The following AP3B1 variants were observed in gnomAD, a reference collection of about 807,000 sequenced individuals.
AP3B1 encodes the protein AP-3 complex subunit beta-1.
Under a neutral mutation model 132.5 loss-of-function variants are expected in AP3B1, and 61 were observed. The ratio of observed to expected loss-of-function variants is 0.46; its 90% CI spans 0.37 to 0.57. AP3B1 has a LOEUF of 0.57. Among genes scored for constraint, AP3B1 ranks in the 20% least tolerant of loss-of-function variants. The pLI, the probability that AP3B1 is intolerant of heterozygous loss-of-function variation, is 0.00. For missense variants in AP3B1, 1,120 were observed against 1,289.4 expected (o/e 0.87, Z 2.01); for synonymous variants, 388 against 438.3 (o/e 0.89, Z 1.43).
chr5:78,025,466 T>C (rs1410912262), intron 24 of AP3B1, among the ~76,000 whole-genome samples: 1 of 152,206 alleles, frequency 6.6e-6, no homozygotes, highest in Non-Finnish European at 1.5e-5. Flanking sequence ...TCGGCCTCTC[T>C]TGTAGCTAAG....
chr5:78,176,522 C>T (rs1303592990), intron 9 of AP3B1, among the ~76,000 whole-genome samples: 8 of 152,032 alleles, frequency 5.3e-5, no homozygotes, highest in Non-Finnish European at 7.4e-5. Flanking sequence ...TTCCTTCCAA[C>T]GCAATTAGTG....
At chr5:78,205,388 A>T (rs916383821) in intron 7 of AP3B1, among the ~76,000 whole-genome samples, 3 of 151,912 alleles carry the variant, frequency 2.0e-5, no homozygotes, top group African/African-American at 7.2e-5. Context: ...TAAATCATTA[A>T]ATCAATAAAT....
Position 78,222,775 on chromosome 5 carries a change from T to C in AP3B1, c.603+2767A>G, listed in dbSNP as rs539361940. Among the ~76,000 whole-genome samples the C allele has an allele frequency of 1.2e-3, 184 of 152,140 alleles. 2 individuals carry two copies. Among genetic ancestry groups the C allele is most frequent in the South Asian group, 0.011 (52 of 4,814 alleles). On this transcript the variant is annotated intron_variant, in intron 6 of 26. Coordinates refer to ENST00000255194, the MANE Select transcript of AP3B1 (RefSeq NM_003664.5). ...AACACAACGAGTTCAAAGATATAAA[T>C]AGTTGAAGCAATTTTGATTTACCAT...
At chr5:78,219,535 C>T (rs1746095378) in intron 6 of AP3B1, among the ~76,000 whole-genome samples, 1 of 151,946 alleles carries the variant, frequency 6.6e-6, no homozygotes, top group African/African-American at 2.4e-5. Context: ...TTGGAGATGA[C>T]AGAATATAGA....
chr5:78,064,351 T>G (rs1294204919), intron 22 of AP3B1, among the ~76,000 whole-genome samples: 2 of 152,206 alleles, frequency 1.3e-5, no homozygotes, highest in East Asian at 3.8e-4. Flanking sequence ...TAATTCTTAT[T>G]GTAATTGCAT....
chr5:78,006,931 G>C (rs1746422293), intron 26 of AP3B1, among the ~76,000 whole-genome samples: 1 of 152,046 alleles, frequency 6.6e-6, no homozygotes, highest in Non-Finnish European at 1.5e-5. Flanking sequence ...GAATAAGCTG[G>C]TTGTCAAAGC....
chr5:78,070,307 T>C (rs1445206094), intron 22 of AP3B1, among the ~76,000 whole-genome samples: 2 of 151,092 alleles, frequency 1.3e-5, no homozygotes, highest in East Asian at 3.9e-4. Flanking sequence ...CTTGGGAGGC[T>C]GAGGCAGGAG....
intron 6 of AP3B1, chr5:78,222,173 G>A (rs572018126): frequency 6.6e-6 from 1 of 152,536 alleles, no homozygotes; most frequent in African/African-American, 2.4e-5. Context: ...CTGCCTCAGA[G>A]TTGGTGCTGT....
rs150577863 is a variant in AP3B1 at position 78,067,346 on chromosome 5, T to C, written c.2577+22047A>G. 1.4e-3 allele frequency among the ~76,000 whole-genome samples: 207 copies of C among 152,300 alleles called. 1 individual carries two copies. The highest frequency in any genetic ancestry group is 4.8e-3 in the African/African-American group (200 of 41,580). On this transcript the variant is annotated intron_variant, in intron 22 of 26. Coordinates refer to ENST00000255194, the MANE Select transcript of AP3B1 (RefSeq NM_003664.5). Reference sequence around the variant, plus strand: ...GGTGACTTTAATATCCCACTGTCAATATTAGACAGATCATCGAGACACAAA... The same window carrying C: ...GGTGACTTTAATATCCCACTGTCAACATTAGACAGATCATCGAGACACAAA...
chr5:78,007,671 T>C (rs1746453938), intron 26 of AP3B1, among the ~76,000 whole-genome samples: 1 of 152,224 alleles, frequency 6.6e-6, no homozygotes, highest in African/African-American at 2.4e-5. Context: ...TTTGGAGCGC[T>C]ATCTGCCAAA....
intron 1 of AP3B1, among the ~76,000 whole-genome samples, chr5:78,276,229 C>T (rs1023151904): frequency 5.9e-5 from 9 of 151,996 alleles, no homozygotes; most frequent in African/African-American, 7.3e-5. Flanking sequence ...CCTTGCCTGG[C>T]TAATGTTTTT....
intron 1 of AP3B1, among the ~76,000 whole-genome samples, chr5:78,287,128 C>T (rs543922497): frequency 6.6e-6 from 1 of 152,266 alleles, no homozygotes; most frequent in East Asian, 1.9e-4. Context: ...TTTTCATGTG[C>T]TTTAATCATT....
intron 7 of AP3B1, among the ~76,000 whole-genome samples, chr5:78,194,749 C>T (rs1380115531): frequency 6.6e-6 from 1 of 152,130 alleles, no homozygotes; most frequent in African/African-American, 2.4e-5. Context: ...AATGAGTACT[C>T]AAAGTCTGAA....
At chr5:78,126,551 C>G (rs921719979) in intron 17 of AP3B1, among the ~76,000 whole-genome samples, 1 of 137,938 alleles carries the variant, frequency 7.2e-6, no homozygotes, top group South Asian at 2.4e-4. Context: ...AATAAGGCAA[C>G]TCTTTTGAAG....
chr5:78,142,848 T>C (rs1438957841), intron 14 of AP3B1, among the ~76,000 whole-genome samples: 1 of 152,144 alleles, frequency 6.6e-6, no homozygotes, highest in African/African-American at 2.4e-5. Context: ...GTGATAAAAC[T>C]GATGCCCTTA....
chr5:78,291,421 A>G lies in AP3B1; in HGVS notation c.128+3031T>C, dbSNP rs1321707043. Among the ~76,000 whole-genome samples the G allele has an allele frequency of 9.4e-4, 19 of 20,272 alleles. 1 individual carries two copies. Among genetic ancestry groups the G allele is most frequent in the Non-Finnish European group, 2.0e-4 (1 of 5,012 alleles). The allele number at this position is 20,272 out of a possible 152,430, so 13.3% of individuals were successfully genotyped here. ...TCAGTGTCTCCCCACAGATAATTTG[A>G]AAAAAAAAAAAAAAAAAACAGAAAT... On this transcript the variant is annotated intron_variant, in intron 1 of 26. Transcript: ENST00000255194.
chr5:78,043,877 TG>T, intron 22 of AP3B1: 1 of 358,418 alleles, frequency 2.8e-6, no homozygotes, highest in South Asian at 2.7e-5. Context: ...TGACCAAGGC[TG>T]ATCTCCTAAT....
intron 14 of AP3B1, among the ~76,000 whole-genome samples, chr5:78,141,719 CT>C (rs1361166383): frequency 6.6e-6 from 1 of 152,146 alleles, no homozygotes; most frequent in Non-Finnish European, 1.5e-5. Flanking sequence ...AAAATATTGA[CT>C]GTCTAGCAAT....
At chr5:78,147,709 C>T (rs1425504602) in intron 14 of AP3B1, among the ~76,000 whole-genome samples, 1 of 152,144 alleles carries the variant, frequency 6.6e-6, no homozygotes, top group African/African-American at 2.4e-5. Context: ...TAAGACTGTA[C>T]TTATTTGGCT....
Sources: allele counts gnomAD v4.1 joint callset (sites outside exome capture counted in the v4.1 genomes callset), GRCh38; gene constraint gnomAD v4.1.1; transcripts MANE v1.5; gene names NCBI Gene and HGNC (gene_info 2026-07-23, HGNC 2026-07-21).